DCP1B: variants seen among roughly 807,000 people sequenced by gnomAD.
DCP1B encodes the protein mRNA-decapping enzyme 1B.
DCP1B carries 47 observed loss-of-function variants against 60.5 expected under a neutral mutation model. The observed-to-expected ratio is 0.78, with a 90% CI of 0.61 to 0.99. The LOEUF (loss-of-function observed/expected upper bound fraction) is 0.99. Among genes scored for constraint, DCP1B ranks in the 50% least tolerant of loss-of-function variants. DCP1B has a pLI of 0.00. For missense variants in DCP1B, 725 were observed against 756.8 expected (o/e 0.96, Z 0.49); for synonymous variants, 267 against 280.3 (o/e 0.95, Z 0.47).
intron 6 of DCP1B, 58 bp downstream of exon 6, chr12:1,955,374 C>T: frequency 6.4e-7 from 1 of 1,556,212 alleles, no homozygotes; most frequent in Non-Finnish European, 8.7e-7. Flanking sequence ...TATTCTGGGT[C>T]AAAGTTCTTT....
Position 1,966,407 on chromosome 12 carries a change from G to T in DCP1B, c.387-714C>A, listed in dbSNP as rs532898717. On this transcript the variant is annotated intron_variant, in intron 4 of 8. Transcript: ENST00000280665. ...CCAGATTGCTCCTATATGCTGCTAG[G>T]TGATGTCGAGGAAAATATACTTTCC... Among the ~76,000 whole-genome samples the T allele has an allele frequency of 2.0e-5, 3 of 152,340 alleles. No homozygotes were observed. The South Asian group carries it at 6.2e-4, about 32-fold the overall frequency.
intron 3 of DCP1B, chr12:1,992,708 T>C (rs1442312203): frequency 6.0e-6 from 1 of 165,668 alleles, no homozygotes; most frequent in Non-Finnish European, 1.3e-5. Context: ...ACAAGGACTA[T>C]TTAGTTACCT....
At chr12:1,983,066 T>C (rs2036610070) in intron 3 of DCP1B, among the ~76,000 whole-genome samples, 1 of 152,118 alleles carries the variant, frequency 6.6e-6, no homozygotes, top group South Asian at 2.1e-4. Context: ...TCCCTTATTA[T>C]CCTTTTAATG....
rs558869273 is a variant in DCP1B at position 1,978,432 on chromosome 12, A to G, written c.320-10522T>C. Among the ~76,000 whole-genome samples, 6 of 152,348 alleles carry G rather than the reference A, an allele frequency of 3.9e-5. No homozygotes were observed. The East Asian group carries it at 1.2e-3, about 29-fold the overall frequency. ...TCAGGGTTAGCAGAAACACTGGTTA[A>G]TAAATGTCAGGAAAATAAAGAAGGG... On this transcript the variant is annotated intron_variant, in intron 3 of 8. Transcript: ENST00000280665.
At chr12:1,958,663 C>A (rs571034047) in intron 5 of DCP1B, among the ~76,000 whole-genome samples, 3 of 142,866 alleles carry the variant, frequency 2.1e-5, no homozygotes, top group South Asian at 4.6e-4. Flanking sequence ...TCGCTCTGGG[C>A]AATGACTTTT....
chr12:1,973,839 T>C (rs926704592), intron 3 of DCP1B, among the ~76,000 whole-genome samples: 1 of 152,198 alleles, frequency 6.6e-6, no homozygotes, highest in Non-Finnish European at 1.5e-5. Context: ...GTTCATAATC[T>C]TGCTGAAAAA....
chr12:1,984,795 A>G (rs2037195562), intron 3 of DCP1B, among the ~76,000 whole-genome samples: 3 of 151,454 alleles, frequency 2.0e-5, no homozygotes, highest in Non-Finnish European at 4.4e-5. Context: ...AAAAAAAAAA[A>G]AAAAAAGGTT....
chr12:1,950,124 G>T, intron 7 of DCP1B: 1 of 547,218 alleles, frequency 1.8e-6, no homozygotes, highest in East Asian at 2.8e-5. Context: ...CTCCCCGAAA[G>T]AACTCCTAAG....
chr12:1,950,469 C>G (rs1246877681), intron 7 of DCP1B: 1 of 695,296 alleles, frequency 1.4e-6, no homozygotes. Context: ...AGGAAAAAAG[C>G]AGACATTTTT....
chr12:1,974,803 T>C (rs562914186), intron 3 of DCP1B, among the ~76,000 whole-genome samples: 23 of 152,324 alleles, frequency 1.5e-4, no homozygotes, highest in Admixed American at 1.5e-3. Context: ...TCACCATAAG[T>C]GAATCTCAAT....
chr12:1,960,346 C>T (rs1366612416), intron 5 of DCP1B, among the ~76,000 whole-genome samples: 5 of 152,162 alleles, frequency 3.3e-5, no homozygotes, highest in African/African-American at 1.2e-4. Context: ...AAGCTGAACC[C>T]ACTGAAGCAC....
At chr12:1,958,817 T>C (rs1212794814) in intron 5 of DCP1B, among the ~76,000 whole-genome samples, 4 of 97,532 alleles carry the variant, frequency 4.1e-5, no homozygotes, top group African/African-American at 4.5e-5. Context: ...ATAAACCTCC[T>C]GGAAGGAAAC....
intron 3 of DCP1B, 155 bp downstream of exon 3, chr12:1,993,109 G>C (rs754539049): frequency 3.3e-5 from 31 of 927,042 alleles, no homozygotes; most frequent in Non-Finnish European, 5.3e-5. Context: ...CCATCATTAG[G>C]GCATGCATTT....
In DCP1B at chr12:1,971,034, A is replaced by G; in HGVS notation, c.320-3124T>C. 4 of 1,262,668 alleles carry G rather than the reference A, an allele frequency of 3.2e-6. No individual in the cohort carries two copies. Among genetic ancestry groups the G allele is most frequent in the Non-Finnish European group, 4.1e-6 (4 of 971,844 alleles). 78.2% of individuals were successfully genotyped at this position (1,262,668 alleles called of 1,614,324 possible). A position where few individuals can be genotyped will look rare whatever the true frequency, so the allele number is the denominator to read the frequency against. The stretch of plus-strand genomic sequence containing the variant: ...GATAATTATTTAGCTTTAAAAATCA[A>G]CCAATTAATATACATCTGGAAATTC... On this transcript the variant is annotated intron_variant, in intron 3 of 8. Coordinates refer to ENST00000280665, the MANE Select transcript of DCP1B (RefSeq NM_152640.5). The surrounding 1 kb of genome is among the most constrained non-coding windows in gnomAD (Gnocchi z 4.2).
chr12:1,949,031 G>C, intron 8 of DCP1B, 55 bp downstream of exon 8: 2 of 1,582,474 alleles, frequency 1.3e-6, no homozygotes, highest in Admixed American at 3.4e-5. Flanking sequence ...CATAGTTGCA[G>C]CCAGGAGGCC....
chr12:1,984,530 T>C (rs776229685), intron 3 of DCP1B, among the ~76,000 whole-genome samples: 1 of 152,112 alleles, frequency 6.6e-6, no homozygotes, highest in Non-Finnish European at 1.5e-5. Flanking sequence ...TTTTATGTTA[T>C]AGTTGTCACA....
chr12:1,950,002 C>T (rs772563852), intron 7 of DCP1B: 7 of 286,250 alleles, frequency 2.4e-5, no homozygotes, highest in South Asian at 1.6e-4. Context: ...AGTTTTCTAA[C>T]AGCCCTTTCA....
At chr12:1,979,299 C>T (rs1032630394) in intron 3 of DCP1B, among the ~76,000 whole-genome samples, 1 of 151,334 alleles carries the variant, frequency 6.6e-6, no homozygotes, top group African/African-American at 2.4e-5. Flanking sequence ...CAAGCGTGAG[C>T]CACAGCGCCT....
In DCP1B at chr12:1,952,558, T is replaced by G; in HGVS notation, c.1382A>C (p.Gln461Pro). 3 of 1,614,224 alleles carry G rather than the reference T, an allele frequency of 1.9e-6. No homozygotes were observed. Among genetic ancestry groups the G allele is most frequent in the Non-Finnish European group, 2.5e-6 (3 of 1,180,030 alleles). ...GTTAGAGGCATGCAGCTGCTGCTCC[T>G]GCTGTACAATCTGAAGCTTCTTCAG... is the stretch of plus-strand genomic sequence containing the variant. Reference protein sequence around the residue: ...ELLKKLQIVQQEQQLHASNRP... With the variant: ...ELLKKLQIVQPEQQLHASNRP... The change falls in exon 7 of 9, where the codon CAG becomes CCG. Residue 461 changes from glutamine (Q) to proline (P), a missense_variant. Physicochemically the swap from Gln to Pro is moderately conservative, Grantham distance 76. Transcript: ENST00000280665.
Sources: allele counts gnomAD v4.1 joint callset (sites outside exome capture counted in the v4.1 genomes callset), GRCh38; gene constraint gnomAD v4.1.1; non-coding constraint Gnocchi (gnomAD v3.1); transcripts MANE v1.5; gene names NCBI Gene and HGNC (gene_info 2026-07-23, HGNC 2026-07-21).